Variants in COQ3 observed in about 807,000 individuals in gnomAD.
COQ3 encodes the protein ubiquinone biosynthesis O-methyltransferase, mitochondrial.
Under a neutral mutation model 33.1 loss-of-function variants are expected in COQ3, and 29 were observed. That is an observed-to-expected ratio of 0.88 (90% CI 0.65 to 1.19). The LOEUF (loss-of-function observed/expected upper bound fraction) is 1.19, where lower values mean the gene tolerates loss of function less well. Ranked by LOEUF, COQ3 falls within the 50% of genes most tolerant of loss-of-function variation. COQ3 has a pLI of 0.00. For synonymous variants in COQ3, 173 were observed against 157.8 expected, an observed-to-expected ratio of 1.10 and a Z score of -0.72; for missense variants, 437 against 430.7, an observed-to-expected ratio of 1.01 and a Z score of -0.13.
At chr6:99,375,850 T>TGCTAATGCATTATGGACC in intron 5 of COQ3, 90 bp downstream of exon 5, 2 of 1,375,964 alleles carry the variant, frequency 1.5e-6, no homozygotes, top group Non-Finnish European at 2.0e-6. Flanking sequence ...CCTGCTGGAC[T>TGCTAATGCATTATGGACC]GCTAATGCAT....
intron 1 of COQ3, among the ~76,000 whole-genome samples, chr6:99,388,924 CA>C (rs749699227): frequency 0.011 from 1,553 of 136,934 alleles, 18 homozygotes; most frequent in South Asian, 0.019. Flanking sequence ...CACACACACA[CA>C]CACACACACC....
intron 1 of COQ3, among the ~76,000 whole-genome samples, chr6:99,384,192 C>A (rs543125474): frequency 6.6e-5 from 10 of 151,990 alleles, no homozygotes; most frequent in Non-Finnish European, 1.3e-4. Flanking sequence ...TGGGCCTGGA[C>A]AAAATTTTAT....
At chr6:99,380,502 C>T (rs1260633871) in intron 2 of COQ3, among the ~76,000 whole-genome samples, 161 bp from the exon 3 acceptor site, 1 of 152,152 alleles carries the variant, frequency 6.6e-6, no homozygotes, top group East Asian at 1.9e-4. Flanking sequence ...CTTATAATCA[C>T]ACTGCATATA....
chr6:99,387,862 A>G (rs1168416473), intron 1 of COQ3, among the ~76,000 whole-genome samples: 4 of 152,208 alleles, frequency 2.6e-5, no homozygotes, highest in African/African-American at 7.2e-5. Context: ...TAATAAGTGA[A>G]TTCAGAAAGG....
At chr6:99,385,243 C>T (rs950578310) in intron 1 of COQ3, among the ~76,000 whole-genome samples, 1 of 152,144 alleles carries the variant, frequency 6.6e-6, no homozygotes, top group Non-Finnish European at 1.5e-5. Context: ...TTGATAGAAC[C>T]ACTGGATAGA....
intron 1 of COQ3, among the ~76,000 whole-genome samples, chr6:99,390,445 T>C (rs1198954161): frequency 2.0e-5 from 3 of 151,598 alleles, no homozygotes; most frequent in Non-Finnish European, 4.4e-5. Context: ...GCCATTCTCC[T>C]GCCTCAGCCT....
intron 1 of COQ3, among the ~76,000 whole-genome samples, chr6:99,389,836 G>A (rs531871090): frequency 6.6e-5 from 10 of 152,274 alleles, no homozygotes; most frequent in East Asian, 5.8e-4. Context: ...GATTAGGGCC[G>A]GGTGTGGTGG....
chr6:99,377,493 A>C lies in COQ3; in HGVS notation c.387-8T>G. On this transcript the variant is annotated splice_region_variant and splice_polypyrimidine_tract_variant and intron_variant, in intron 3 of 6. Transcript: ENST00000254759. ...GTTTTCAGAAGATTGTCCCTTTTTTAAAAAATTCAAAACATACCAAAACAA... is the reference window on the plus strand; with the variant it reads ...GTTTTCAGAAGATTGTCCCTTTTTTCAAAAATTCAAAACATACCAAAACAA... The C allele has an allele frequency of 6.3e-7, 1 of 1,581,958 alleles. No individual in the cohort carries two copies. The highest frequency in any genetic ancestry group is 8.6e-7 in the Non-Finnish European group (1 of 1,156,454).
intron 1 of COQ3, among the ~76,000 whole-genome samples, chr6:99,389,317 C>A (rs1774756954): frequency 6.6e-6 from 1 of 152,072 alleles, no homozygotes; most frequent in Non-Finnish European, 1.5e-5. Context: ...TAGAGACAGG[C>A]TTTCGCCATG....
At chr6:99,386,612 G>A (rs1449680608) in intron 1 of COQ3, among the ~76,000 whole-genome samples, 1 of 152,078 alleles carries the variant, frequency 6.6e-6, no homozygotes, top group African/African-American at 2.4e-5. Context: ...AATAAAGAAA[G>A]GATATCACTA....
intron 5 of COQ3, among the ~76,000 whole-genome samples, chr6:99,371,879 CT>C (rs1774154506): frequency 6.6e-6 from 1 of 152,038 alleles, no homozygotes; most frequent in African/African-American, 2.4e-5. Flanking sequence ...ATATCAAACA[CT>C]TTACAATAAA....
chr6:99,391,547 C>T (rs1027955964), intron 1 of COQ3, among the ~76,000 whole-genome samples: 11 of 152,202 alleles, frequency 7.2e-5, no homozygotes, highest in South Asian at 2.1e-4. Flanking sequence ...ACATCGATAA[C>T]GACATATAAG....
At chr6:99,391,961 T>C (rs748926443) in intron 1 of COQ3, among the ~76,000 whole-genome samples, 2 of 151,952 alleles carry the variant, frequency 1.3e-5, no homozygotes, top group African/African-American at 2.4e-5. Context: ...GTCATGCCAC[T>C]GCACTCTAAC....
rs569666605 is a variant in COQ3, at chr6:99,376,327, A to G, written c.487-145T>C. ...ATGGGTACATGGAAACTCATATACC[A>G]TTTTCTCTAGTTTGTACACATTTGA... On this transcript the variant is annotated intron_variant, in intron 4 of 6. Transcript: ENST00000254759. The G allele has an allele frequency of 5.4e-5, 43 of 803,064 alleles. No homozygotes were observed. In the African/African-American group the frequency reaches 6.9e-4, roughly 13 times the overall value. The allele number at this position is 803,064 out of a possible 1,614,324, so 49.7% of individuals were successfully genotyped here. A position where few individuals can be genotyped will look rare whatever the true frequency, so the allele number is the denominator to read the frequency against.
intron 2 of COQ3, among the ~76,000 whole-genome samples, chr6:99,382,689 C>T (rs1031894225): frequency 2.0e-5 from 3 of 152,156 alleles, no homozygotes; most frequent in Non-Finnish European, 4.4e-5. Context: ...CGCGGTGGCT[C>T]ATGCCTGTAA....
In COQ3 at chr6:99,388,673, C is replaced by T. The variant is rs943514613; in HGVS notation, c.107-4849G>A. 6.6e-5 allele frequency among the ~76,000 whole-genome samples: 10 copies of T among 151,988 alleles called. 1 individual carries two copies. The East Asian group carries it at 1.9e-3, about 29-fold the overall frequency. ...GACTAGTCTGGCCAACATGGTGAAA[C>T]TCCGTCTCTACTAAAAATAAAAAAA... On this transcript the variant is annotated intron_variant, in intron 1 of 6. Transcript: ENST00000254759.
chr6:99,380,112 C>T, intron 3 of COQ3, 77 bp downstream of exon 3: 1 of 1,426,554 alleles, frequency 7.0e-7, no homozygotes, highest in Non-Finnish European at 9.6e-7. Context: ...TAGGTATAAA[C>T]TAAGAAAAAA....
chr6:99,377,206 C>T (rs139792192), intron 4 of COQ3, among the ~76,000 whole-genome samples, 180 bp downstream of exon 4: 25 of 151,812 alleles, frequency 1.6e-4, no homozygotes, highest in Middle Eastern at 3.4e-3. Context: ...GACAGGGTTT[C>T]GCCATGTTGG....
chr6:99,387,821 T>C (rs1017981190), intron 1 of COQ3, among the ~76,000 whole-genome samples: 2 of 152,114 alleles, frequency 1.3e-5, no homozygotes, highest in Admixed American at 6.6e-5. Flanking sequence ...ATGTAGAAAA[T>C]ACCAAGAAAT....
Sources: allele counts gnomAD v4.1 joint callset (sites outside exome capture counted in the v4.1 genomes callset), GRCh38; gene constraint gnomAD v4.1.1; transcripts MANE v1.5; gene names NCBI Gene and HGNC (gene_info 2026-07-23, HGNC 2026-07-21).